Variants in KCNH7 observed in about 807,000 individuals in gnomAD.
KCNH7 encodes the protein potassium voltage-gated channel subfamily H member 7.
In KCNH7, 49 loss-of-function variants were observed where a neutral mutation model predicts 120.8. That is an observed-to-expected ratio of 0.41 (90% CI 0.32 to 0.51). KCNH7 has a LOEUF of 0.51. KCNH7 is among the 20% of genes least tolerant of loss of function. KCNH7 has a pLI of 0.38. For missense variants in KCNH7, 1,097 were observed against 1,446.6 expected, an observed-to-expected ratio of 0.76 and a Z score of 3.92; for synonymous variants, 547 against 516.1, an observed-to-expected ratio of 1.06 and a Z score of -0.81.
chr2:162,832,343 T>C (rs2105619955), intron 2 of KCNH7, among the ~76,000 whole-genome samples: 1 of 152,282 alleles, frequency 6.6e-6, no homozygotes, highest in East Asian at 1.9e-4. Flanking sequence ...TATAAAGCTA[T>C]TATGAAATTT....
At chr2:162,629,793 A>G (rs1203805043) in intron 2 of KCNH7, among the ~76,000 whole-genome samples, 1 of 152,088 alleles carries the variant, frequency 6.6e-6, no homozygotes, top group Non-Finnish European at 1.5e-5. Context: ...CTCTTCTGTG[A>G]GCTGATTATC....
chr2:162,789,376 C>A (rs1228718194), intron 2 of KCNH7, among the ~76,000 whole-genome samples: 1 of 151,880 alleles, frequency 6.6e-6, no homozygotes, highest in Non-Finnish European at 1.5e-5. Context: ...ATTGATATAA[C>A]TGAAGGGAGA....
chr2:162,506,574 G>C (rs1439907454), intron 5 of KCNH7, among the ~76,000 whole-genome samples: 1 of 151,740 alleles, frequency 6.6e-6, no homozygotes, highest in African/African-American at 2.4e-5. Flanking sequence ...CAAATATATA[G>C]TTAAATTGTA....
At chr2:162,715,693 T>C (rs1687094047) in intron 2 of KCNH7, among the ~76,000 whole-genome samples, 2 of 152,196 alleles carry the variant, frequency 1.3e-5, no homozygotes, top group Admixed American at 6.6e-5. Context: ...GGTTGTGATA[T>C]TGTACTACAG....
intron 4 of KCNH7, among the ~76,000 whole-genome samples, chr2:162,513,632 A>G (rs1691189030): frequency 6.6e-6 from 1 of 151,342 alleles, no homozygotes; most frequent in African/African-American, 2.4e-5. Context: ...CTACAACCAC[A>G]CCAGTCTGCC....
chr2:162,416,849 C>A (rs979650109), intron 9 of KCNH7, among the ~76,000 whole-genome samples: 8 of 152,012 alleles, frequency 5.3e-5, no homozygotes, highest in African/African-American at 1.9e-4. Flanking sequence ...TAATAGGACC[C>A]CAAGATGCAA....
intron 2 of KCNH7, among the ~76,000 whole-genome samples, chr2:162,709,767 C>G (rs1276331758): frequency 2.0e-5 from 3 of 152,182 alleles, no homozygotes; most frequent in Non-Finnish European, 4.4e-5. Flanking sequence ...TCTGCAAATG[C>G]TCTACTCAAG....
chr2:162,689,880 A>G (rs192238864), intron 2 of KCNH7, among the ~76,000 whole-genome samples: 15 of 152,268 alleles, frequency 9.9e-5, no homozygotes, highest in East Asian at 9.7e-4. Flanking sequence ...CTGGGTATAT[A>G]CCCAAAGGAA....
intron 2 of KCNH7, among the ~76,000 whole-genome samples, chr2:162,698,496 A>G (rs998225496): frequency 6.6e-6 from 1 of 151,998 alleles, no homozygotes. Flanking sequence ...GCCATTTAAA[A>G]AAAAGGTTTG....
At chr2:162,544,898 G>T (rs2105844486) in intron 2 of KCNH7, among the ~76,000 whole-genome samples, 1 of 152,084 alleles carries the variant, frequency 6.6e-6, no homozygotes, top group African/African-American at 2.4e-5. Context: ...TAAAAATAAG[G>T]GAATTAAAGT....
intron 6 of KCNH7, among the ~76,000 whole-genome samples, chr2:162,459,921 C>T (rs1461088975): frequency 2.6e-5 from 4 of 151,778 alleles, no homozygotes; most frequent in African/African-American, 9.7e-5. Flanking sequence ...TGGTGAAACC[C>T]CATCTCTACT....
At chr2:162,444,387 T>C (rs1688517776) in intron 7 of KCNH7, among the ~76,000 whole-genome samples, 2 of 152,200 alleles carry the variant, frequency 1.3e-5, no homozygotes, top group Admixed American at 1.3e-4. Context: ...AGAGCATCAC[T>C]GAACAATTCT....
chr2:162,428,967 A>G (rs1558939936), intron 8 of KCNH7, among the ~76,000 whole-genome samples: 1 of 151,846 alleles, frequency 6.6e-6, no homozygotes, highest in Non-Finnish European at 1.5e-5. Flanking sequence ...TTTCAATGAA[A>G]GCATTTAGAT....
chr2:162,483,534 CTT>C (rs1425619696), intron 6 of KCNH7, among the ~76,000 whole-genome samples: 1 of 150,230 alleles, frequency 6.7e-6, no homozygotes, highest in Non-Finnish European at 1.5e-5. Flanking sequence ...TCACTGTATT[CTT>C]TGTTTTTTTT....
At chr2:162,750,136 A>G (rs887976013) in intron 2 of KCNH7, among the ~76,000 whole-genome samples, 5 of 151,946 alleles carry the variant, frequency 3.3e-5, no homozygotes, top group Non-Finnish European at 7.3e-5. Flanking sequence ...ACAGAAAATC[A>G]GCCTTTGCAA....
At chr2:162,646,477 T>C (rs1056196745) in intron 2 of KCNH7, among the ~76,000 whole-genome samples, 4 of 152,222 alleles carry the variant, frequency 2.6e-5, no homozygotes, top group African/African-American at 9.6e-5. Context: ...TATAATGAGA[T>C]ACCACTCTTG....
intron 2 of KCNH7, among the ~76,000 whole-genome samples, chr2:162,721,741 G>T (rs1687330391): frequency 1.3e-5 from 2 of 151,856 alleles, no homozygotes; most frequent in South Asian, 2.1e-4. Context: ...AAGGCCTGAG[G>T]TCTCATTTAC....
chr2:162,725,292 G>A (rs1010249797), intron 2 of KCNH7, among the ~76,000 whole-genome samples: 2 of 151,840 alleles, frequency 1.3e-5, no homozygotes, highest in African/African-American at 4.8e-5. Context: ...TGATAAAAAA[G>A]TCTTCCTTAA....
chr2:162,631,195 T>C (rs1359569335), intron 2 of KCNH7, among the ~76,000 whole-genome samples: 1 of 152,126 alleles, frequency 6.6e-6, no homozygotes. Flanking sequence ...ACTTACTGTG[T>C]TGTAACAGGG....
Sources: allele counts gnomAD v4.1 joint callset (sites outside exome capture counted in the v4.1 genomes callset), GRCh38; gene constraint gnomAD v4.1.1; transcripts MANE v1.5; gene names NCBI Gene and HGNC (gene_info 2026-07-23, HGNC 2026-07-21).